The following OIT3 variants were observed in gnomAD, a reference collection of about 807,000 sequenced individuals.
The protein encoded by OIT3 is oncoprotein-induced transcript 3 protein.
A neutral mutation model predicts 52.2 loss-of-function variants in OIT3; 41 were observed. The observed-to-expected ratio is 0.79, with a 90% CI of 0.61 to 1.02. OIT3 has a LOEUF of 1.02. OIT3 is among the 50% of genes least tolerant of loss of function. The pLI, the probability that OIT3 is intolerant of heterozygous loss-of-function variation, is 0.00. For missense variants in OIT3, 634 were observed against 715.5 expected (o/e 0.89, Z 1.30); for synonymous variants, 244 against 276.9 (o/e 0.88, Z 1.18).
chr10:72,893,905 G>T, intron 1 of OIT3, 46 bp downstream of exon 1: 1 of 1,440,652 alleles, frequency 6.9e-7, no homozygotes, highest in South Asian at 1.2e-5. Context: ...TTTTGTTGTG[G>T]CAATTTGCTA....
rs1408884513 is a variant in OIT3, at chr10:72,924,490, G to A, written c.1213G>A (p.Glu405Lys). 5 of 1,614,154 alleles carry A rather than the reference G, an allele frequency of 3.1e-6. No homozygotes were observed. The highest frequency in any genetic ancestry group is 4.2e-6 in the Non-Finnish European group (5 of 1,180,032). The change falls in exon 7 of 9, where the codon GAA (glutamate) becomes AAA (lysine). Residue 405 changes from glutamate (E) to lysine (K), a missense_variant. Physicochemically the swap from Glu to Lys is moderately conservative, Grantham distance 56. Coordinates refer to ENST00000334011, the MANE Select transcript of OIT3 (RefSeq NM_152635.3). ...KDNEFEEPYREALPTLKLRDS... is the reference protein window; with the variant it reads ...KDNEFEEPYRKALPTLKLRDS... ...CAATGAGTTTGAAGAGCCTTACCGG[G>A]AAGCTCTGCCCACCCTCAAGCTTCG...
At chr10:72,893,892 A>G (rs530120958) in intron 1 of OIT3, 33 bp downstream of exon 1, 6 of 1,567,032 alleles carry the variant, frequency 3.8e-6, no homozygotes, top group Non-Finnish European at 5.2e-6. Flanking sequence ...GGCACAATGC[A>G]CTTTTTGTTG....
rs1845898624 is a variant in OIT3 at position 72,898,698 on chromosome 10, T to C, written c.96T>C (p.Asn32=). 9 of 1,613,614 alleles carry C rather than the reference T, an allele frequency of 5.6e-6. No individual in the cohort carries two copies. Among genetic ancestry groups the C allele is most frequent in the African/African-American group, 1.3e-5 (1 of 74,930 alleles). Residue 32 remains asparagine, a synonymous_variant, in exon 2 of 9, where the codon AAT becomes AAC. Transcript: ENST00000334011. ...LDPCSAYISL[N]EPWRNTDHQL... The stretch of plus-strand genomic sequence containing the variant: ...CTTGTTCTGCTTACATCAGCCTGAA[T>C]GAGCCCTGGAGGAACACTGACCACC...
chr10:72,909,540 G>A (rs1198821856), intron 4 of OIT3, among the ~76,000 whole-genome samples: 3 of 151,834 alleles, frequency 2.0e-5, no homozygotes, highest in Non-Finnish European at 4.4e-5. Flanking sequence ...CATTAATTCA[G>A]CTCTTGTTAG....
chr10:72,906,876 G>A (rs192276061), intron 4 of OIT3, among the ~76,000 whole-genome samples, 158 bp downstream of exon 4: 12 of 152,322 alleles, frequency 7.9e-5, no homozygotes, highest in African/African-American at 2.2e-4. Flanking sequence ...GAATACTCAC[G>A]CTATGGACAG....
intron 6 of OIT3, among the ~76,000 whole-genome samples, chr10:72,923,684 C>T (rs1252007382): frequency 1.3e-5 from 2 of 152,174 alleles, no homozygotes; most frequent in Non-Finnish European, 2.9e-5. Flanking sequence ...GCTGGATACC[C>T]CATTTGGGAG....
At chr10:72,895,856 A>G (rs902269641) in intron 1 of OIT3, among the ~76,000 whole-genome samples, 3 of 152,160 alleles carry the variant, frequency 2.0e-5, no homozygotes, top group Non-Finnish European at 4.4e-5. Context: ...ACTGAGATGT[A>G]TAGATCAGCA....
At chr10:72,898,261 TG>T (rs561241557) in intron 1 of OIT3, among the ~76,000 whole-genome samples, 7 of 152,298 alleles carry the variant, frequency 4.6e-5, no homozygotes, top group Non-Finnish European at 8.8e-5. Flanking sequence ...CACTCCAGCC[TG>T]GGTGACAGAG....
chr10:72,909,658 G>A (rs1846012773), intron 4 of OIT3, among the ~76,000 whole-genome samples: 2 of 151,968 alleles, frequency 1.3e-5, no homozygotes, highest in South Asian at 4.2e-4. Context: ...AGTGTGGTGG[G>A]GCAATCTCAG....
intron 3 of OIT3, among the ~76,000 whole-genome samples, chr10:72,904,423 G>T (rs1252129792): frequency 6.6e-6 from 1 of 152,098 alleles, no homozygotes; most frequent in Non-Finnish European, 1.5e-5. Flanking sequence ...ACCCAAGCAC[G>T]GATGTCACCA....
At chr10:72,917,348 T>C (rs1231849971) in intron 6 of OIT3, among the ~76,000 whole-genome samples, 1 of 152,142 alleles carries the variant, frequency 6.6e-6, no homozygotes, top group African/African-American at 2.4e-5. Flanking sequence ...TTTTATTTCA[T>C]GTGTATATTT....
chr10:72,924,168 A>G (rs1260981827), intron 6 of OIT3, 61 bp from the exon 7 acceptor site: 16 of 1,419,154 alleles, frequency 1.1e-5, no homozygotes, highest in Admixed American at 2.2e-5. Context: ...GAGGAGGGGG[A>G]AAAAAAACTG....
chr10:72,904,741 C>T (rs1320531787), intron 3 of OIT3, among the ~76,000 whole-genome samples: 3 of 152,172 alleles, frequency 2.0e-5, no homozygotes, highest in African/African-American at 7.2e-5. Flanking sequence ...CACAGTGGAT[C>T]ATCCCTCATG....
intron 6 of OIT3, among the ~76,000 whole-genome samples, chr10:72,916,642 A>C (rs1351927977): frequency 4.6e-5 from 7 of 152,148 alleles, no homozygotes; most frequent in African/African-American, 1.4e-4. Context: ...ATACACGTGC[A>C]TTACATGTGT....
chr10:72,927,732 A>G (rs1174135596), intron 7 of OIT3, among the ~76,000 whole-genome samples: 1 of 152,078 alleles, frequency 6.6e-6, no homozygotes, highest in Non-Finnish European at 1.5e-5. Context: ...ATTATTGACA[A>G]TTCCCAAACT....
intron 7 of OIT3, 117 bp from the exon 8 acceptor site, chr10:72,930,421 G>A (rs1846205610): frequency 1.3e-6 from 1 of 750,654 alleles, no homozygotes; most frequent in Non-Finnish European, 2.4e-6. Flanking sequence ...AAAAGCTTGA[G>A]TACAGTCCAG....
intron 6 of OIT3, among the ~76,000 whole-genome samples, chr10:72,919,452 C>T (rs1846102704): frequency 6.6e-6 from 1 of 152,096 alleles, no homozygotes; most frequent in African/African-American, 2.4e-5. Flanking sequence ...TTTCTCTTGC[C>T]TGATTGCTCT....
At chr10:72,909,923 G>A (rs1329854527) in intron 4 of OIT3, among the ~76,000 whole-genome samples, 1 of 152,176 alleles carries the variant, frequency 6.6e-6, no homozygotes, top group Non-Finnish European at 1.5e-5. Flanking sequence ...TGGGATTATA[G>A]GTGTGAGCTA....
chr10:72,903,525 G>T (rs1049184866), intron 3 of OIT3, among the ~76,000 whole-genome samples: 6 of 152,154 alleles, frequency 3.9e-5, no homozygotes, highest in Admixed American at 6.5e-5. Context: ...ACCATGCCCA[G>T]CCCCCTTTTT....
Sources: allele counts gnomAD v4.1 joint callset (sites outside exome capture counted in the v4.1 genomes callset), GRCh38; gene constraint gnomAD v4.1.1; transcripts MANE v1.5; gene names NCBI Gene and HGNC (gene_info 2026-07-23, HGNC 2026-07-21).